The following FSTL5 variants were observed in gnomAD, a reference collection of about 807,000 sequenced individuals.
FSTL5 encodes follistatin like 5, also known as follistatin-related protein 5.
FSTL5 carries 62 observed loss-of-function variants against 89.1 expected under a neutral mutation model. That is an observed-to-expected ratio of 0.70 (90% CI 0.57 to 0.86). The LOEUF (loss-of-function observed/expected upper bound fraction) is 0.86, where lower values mean the gene tolerates loss of function less well. Among genes scored for constraint, FSTL5 ranks in the 40% least tolerant of loss-of-function variants. FSTL5 has a pLI of 0.00. For synonymous variants in FSTL5, 383 were observed against 346.2 expected (o/e 1.11, Z -1.18); for missense variants, 1,057 against 1,001.6 (o/e 1.06, Z -0.75).
intron 1 of FSTL5, among the ~76,000 whole-genome samples, chr4:162,140,090 C>A (rs556697466): frequency 4.6e-5 from 7 of 152,040 alleles, no homozygotes; most frequent in African/African-American, 7.2e-5. Flanking sequence ...TATTGTTACA[C>A]TCTAACCAGT....
chr4:161,618,298 A>G (rs1471395960), intron 7 of FSTL5, among the ~76,000 whole-genome samples: 70 of 136,112 alleles, frequency 5.1e-4, no homozygotes, highest in African/African-American at 1.9e-3. Context: ...CTCTTTTCCT[A>G]ATTGAATACC....
intron 4 of FSTL5, among the ~76,000 whole-genome samples, chr4:161,841,453 T>A (rs2126872037): frequency 6.6e-6 from 1 of 152,288 alleles, no homozygotes; most frequent in South Asian, 2.1e-4. Flanking sequence ...GTGCAAAATG[T>A]GCTTTAAGGC....
chr4:161,600,486 A>G (rs968603345), intron 7 of FSTL5, among the ~76,000 whole-genome samples: 10 of 152,056 alleles, frequency 6.6e-5, no homozygotes, highest in Non-Finnish European at 1.3e-4. Flanking sequence ...GGGTTTGTAT[A>G]ATACTGAAAT....
At chr4:161,582,199 G>A (rs373674857) in intron 8 of FSTL5, among the ~76,000 whole-genome samples, 29 of 152,302 alleles carry the variant, frequency 1.9e-4, no homozygotes, top group African/African-American at 7.0e-4. Flanking sequence ...TTCCGGGCTT[G>A]TTATGGTAAT....
intron 5 of FSTL5, among the ~76,000 whole-genome samples, chr4:161,773,890 T>C (rs1405830202): frequency 1.3e-5 from 2 of 152,174 alleles, no homozygotes; most frequent in Non-Finnish European, 2.9e-5. Context: ...ACTTGCACTC[T>C]TATGTTTATA....
intron 15 of FSTL5, among the ~76,000 whole-genome samples, chr4:161,420,975 T>G (rs2126312097): frequency 6.6e-6 from 1 of 152,166 alleles, no homozygotes. Context: ...ATTTTCATAT[T>G]TCATTGTCTA....
chr4:161,964,326 ACAAT>A (rs1735265379), intron 3 of FSTL5, among the ~76,000 whole-genome samples: 1 of 152,052 alleles, frequency 6.6e-6, no homozygotes, highest in Non-Finnish European at 1.5e-5. Flanking sequence ...TATTTAATTA[ACAAT>A]CAATTTGTCA....
intron 2 of FSTL5, among the ~76,000 whole-genome samples, chr4:162,039,641 T>C (rs536449576): frequency 6.6e-6 from 1 of 152,096 alleles, no homozygotes; most frequent in South Asian, 2.1e-4. Flanking sequence ...ATAAAGCACA[T>C]TCAAGCTGTG....
intron 15 of FSTL5, among the ~76,000 whole-genome samples, chr4:161,413,465 A>G (rs574367240): frequency 3.3e-5 from 5 of 152,256 alleles, no homozygotes; most frequent in Non-Finnish European, 7.4e-5. Context: ...ATGCTTATAC[A>G]CTTTTTATGG....
intron 15 of FSTL5, among the ~76,000 whole-genome samples, chr4:161,392,914 A>G (rs1469784789): frequency 6.6e-6 from 1 of 152,200 alleles, no homozygotes; most frequent in East Asian, 1.9e-4. Flanking sequence ...CTGTAATCCC[A>G]GCACATTGGG....
At chr4:161,551,376 T>A in intron 8 of FSTL5, among the ~76,000 whole-genome samples, 1 of 151,328 alleles carries the variant, frequency 6.6e-6, no homozygotes, top group Non-Finnish European at 1.5e-5. Flanking sequence ...GCTGCATAAA[T>A]GTCTTCTTTT....
intron 6 of FSTL5, among the ~76,000 whole-genome samples, chr4:161,675,092 A>T (rs1466129756): frequency 6.6e-6 from 1 of 152,174 alleles, no homozygotes; most frequent in Non-Finnish European, 1.5e-5. Context: ...AAGCATTTCA[A>T]TTCACCAGAT....
chr4:161,574,730 T>C (rs1231701919), intron 8 of FSTL5, among the ~76,000 whole-genome samples: 1 of 152,214 alleles, frequency 6.6e-6, no homozygotes, highest in Non-Finnish European at 1.5e-5. Context: ...CCATGGTGTG[T>C]ATGTGCCACG....
intron 5 of FSTL5, among the ~76,000 whole-genome samples, chr4:161,775,457 T>A (rs1741374425): frequency 6.6e-6 from 1 of 152,186 alleles, no homozygotes; most frequent in Non-Finnish European, 1.5e-5. Context: ...CTATCTTAAA[T>A]CATTTATATA....
intron 4 of FSTL5, among the ~76,000 whole-genome samples, chr4:161,905,695 C>T (rs573825376): frequency 6.6e-6 from 1 of 152,206 alleles, no homozygotes; most frequent in South Asian, 2.1e-4. Context: ...ACTGAGACTG[C>T]TTGACAGAAG....
At chr4:161,471,624 T>C (rs1208790118) in intron 13 of FSTL5, among the ~76,000 whole-genome samples, 1 of 152,182 alleles carries the variant, frequency 6.6e-6, no homozygotes. Flanking sequence ...TTGAGAAATA[T>C]TGGTGTTAGT....
At chr4:161,926,309 T>A (rs557251553) in intron 3 of FSTL5, among the ~76,000 whole-genome samples, 1 of 151,932 alleles carries the variant, frequency 6.6e-6, no homozygotes, top group East Asian at 1.9e-4. Context: ...TGTAGTTCAG[T>A]GAGTTTGAAC....
At chr4:161,759,186 T>C (rs919837281) in intron 6 of FSTL5, among the ~76,000 whole-genome samples, 1 of 152,224 alleles carries the variant, frequency 6.6e-6, no homozygotes, top group Non-Finnish European at 1.5e-5. Context: ...TCAATGAGAA[T>C]TGATGATATT....
intron 3 of FSTL5, among the ~76,000 whole-genome samples, chr4:162,024,134 A>G (rs1341246559): frequency 6.6e-6 from 1 of 152,212 alleles, no homozygotes; most frequent in Non-Finnish European, 1.5e-5. Context: ...GAGCATATGC[A>G]AACTTTATTT....
Sources: gnomAD v4.1 joint callset for allele counts (sites outside exome capture counted in the v4.1 genomes callset) on GRCh38, gnomAD v4.1.1 for gene constraint, MANE v1.5 for transcripts, NCBI Gene and HGNC (gene_info 2026-07-23, HGNC 2026-07-21) for gene names.